ANO10: variants seen among roughly 807,000 people sequenced by gnomAD.
ANO10 encodes anoctamin-10.
Under a neutral mutation model 74.7 loss-of-function variants are expected in ANO10, and 77 were observed. That is an observed-to-expected ratio of 1.03 (90% CI 0.86 to 1.25). ANO10 has a LOEUF of 1.25. Among genes scored for constraint, ANO10 ranks in the 50% most tolerant of loss-of-function variants. The pLI is 0.00. For synonymous variants in ANO10, 279 were observed against 284.9 expected, an observed-to-expected ratio of 0.98 and a Z score of 0.21; for missense variants, 721 against 778.1, an observed-to-expected ratio of 0.93 and a Z score of 0.87.
chr3:43,629,296 T>C (rs572312583), intron 1 of ANO10, among the ~76,000 whole-genome samples: 2 of 152,308 alleles, frequency 1.3e-5, no homozygotes, highest in Non-Finnish European at 2.9e-5. Flanking sequence ...AATTGATCAA[T>C]TCTTATTTTG....
chr3:43,690,280 C>G (rs2084339214), intron 1 of ANO10: 1 of 152,284 alleles, frequency 6.6e-6, no homozygotes, highest in Non-Finnish European at 1.5e-5. Context: ...GTCTCCAACT[C>G]CCGACCTCAG....
intron 1 of ANO10, among the ~76,000 whole-genome samples, chr3:43,681,629 C>A (rs1323080504): frequency 6.6e-6 from 1 of 152,180 alleles, no homozygotes; most frequent in Non-Finnish European, 1.5e-5. Context: ...AATATACATT[C>A]TTTTCAGCAC....
At chr3:43,371,045 G>A (rs2091592819) in intron 12 of ANO10, among the ~76,000 whole-genome samples, 1 of 152,130 alleles carries the variant, frequency 6.6e-6, no homozygotes, top group Admixed American at 6.6e-5. Context: ...TTCTGGCTGA[G>A]CCCACAATAA....
chr3:43,603,866 CTTG>C (rs1456452464), intron 2 of ANO10, among the ~76,000 whole-genome samples: 2 of 152,096 alleles, frequency 1.3e-5, no homozygotes, highest in African/African-American at 2.4e-5. Flanking sequence ...AGGTGTGAAT[CTTG>C]TTGTTAATAT....
chr3:43,595,448 G>T (rs1465048064), intron 4 of ANO10, among the ~76,000 whole-genome samples: 1 of 152,188 alleles, frequency 6.6e-6, no homozygotes, highest in Admixed American at 6.5e-5. Flanking sequence ...GGGATGCAAG[G>T]ATGGTTCAAC....
chr3:43,442,855 C>A (rs917931963), intron 11 of ANO10, among the ~76,000 whole-genome samples: 5 of 152,164 alleles, frequency 3.3e-5, no homozygotes, highest in African/African-American at 1.2e-4. Context: ...GGTCCTTTGG[C>A]TGGGGTTTGC....
chr3:43,621,797 G>A (rs1454788503), intron 1 of ANO10, 112 bp downstream of exon 1: 1 of 152,940 alleles, frequency 6.5e-6, no homozygotes, highest in East Asian at 1.9e-4. Context: ...GGAACGCAGG[G>A]CGGCGACCAG....
At chr3:43,458,864 T>G (rs1559565455) in intron 11 of ANO10, among the ~76,000 whole-genome samples, 1 of 152,280 alleles carries the variant, frequency 6.6e-6, no homozygotes, top group South Asian at 2.1e-4. Flanking sequence ...TGTGTCCATG[T>G]GTTCTCATTG....
chr3:43,583,428 G>C (rs2081347167), intron 4 of ANO10, among the ~76,000 whole-genome samples: 1 of 152,140 alleles, frequency 6.6e-6, no homozygotes, highest in African/African-American at 2.4e-5. Context: ...GGCTGTAATA[G>C]CCATTGAACC....
chr3:43,380,348 T>A (rs1205151217), intron 12 of ANO10, among the ~76,000 whole-genome samples: 1 of 152,040 alleles, frequency 6.6e-6, no homozygotes. Flanking sequence ...GGGAAATACA[T>A]CACAAAAAGA....
intron 11 of ANO10, among the ~76,000 whole-genome samples, chr3:43,524,610 A>C (rs2078109889): frequency 6.6e-6 from 1 of 152,180 alleles, no homozygotes. Flanking sequence ...TTACTGATGC[A>C]GATGATTCAC....
At chr3:43,645,065 A>G (rs1330378668) in intron 1 of ANO10, among the ~76,000 whole-genome samples, 1 of 152,268 alleles carries the variant, frequency 6.6e-6, no homozygotes, top group Non-Finnish European at 1.5e-5. Flanking sequence ...TTAAAAATTT[A>G]CAAAGCCAAT....
chr3:43,662,115 A>G (rs2083933346), intron 1 of ANO10, among the ~76,000 whole-genome samples: 1 of 152,228 alleles, frequency 6.6e-6, no homozygotes, highest in African/African-American at 2.4e-5. Flanking sequence ...TCTTCTCAGC[A>G]CTACGTCGCA....
chr3:43,404,983 T>C (rs980544818), intron 12 of ANO10, among the ~76,000 whole-genome samples: 4 of 151,904 alleles, frequency 2.6e-5, no homozygotes, highest in African/African-American at 7.3e-5. Context: ...TCTTGATGTA[T>C]ACATGAAACA....
At chr3:43,380,861 T>C (rs2091940620) in intron 12 of ANO10, among the ~76,000 whole-genome samples, 1 of 152,190 alleles carries the variant, frequency 6.6e-6, no homozygotes, top group Admixed American at 6.5e-5. Context: ...ACTGTATTAA[T>C]CCGTTCTCAC....
At chr3:43,597,836 T>C (rs553802565) in intron 4 of ANO10, among the ~76,000 whole-genome samples, 2 of 152,128 alleles carry the variant, frequency 1.3e-5, no homozygotes, top group African/African-American at 4.8e-5. Flanking sequence ...GGAGATTATT[T>C]GAGCCCAGGA....
intron 12 of ANO10, among the ~76,000 whole-genome samples, chr3:43,387,008 A>G (rs542467101): frequency 6.6e-5 from 10 of 152,294 alleles, no homozygotes; most frequent in Admixed American, 1.3e-4. Flanking sequence ...TCATACAGTC[A>G]TATGTCCCTT....
chr3:43,553,793 C>T (rs929812624), intron 10 of ANO10, among the ~76,000 whole-genome samples: 1 of 152,128 alleles, frequency 6.6e-6, no homozygotes, highest in Non-Finnish European at 1.5e-5. Context: ...CCTTGGCCTC[C>T]CAAAGTGCTG....
chr3:43,496,782 A>G (rs1193801022), intron 11 of ANO10, among the ~76,000 whole-genome samples: 1 of 151,652 alleles, frequency 6.6e-6, no homozygotes, highest in African/African-American at 2.4e-5. Flanking sequence ...TTTGTCCCCC[A>G]CCCCTGAACC....
Sources: gnomAD v4.1 joint callset for allele counts (sites outside exome capture counted in the v4.1 genomes callset) on GRCh38, gnomAD v4.1.1 for gene constraint, MANE v1.5 for transcripts, NCBI Gene and HGNC (gene_info 2026-07-23, HGNC 2026-07-21) for gene names.